The following STRN variants were observed in gnomAD, a reference collection of about 807,000 sequenced individuals.
STRN encodes striatin.
A neutral mutation model predicts 96.3 loss-of-function variants in STRN; 53 were observed. The observed-to-expected ratio is 0.55, with a 90% CI of 0.44 to 0.69. The LOEUF (loss-of-function observed/expected upper bound fraction) is 0.69. Ranked by LOEUF, STRN falls within the 30% of genes least tolerant of loss-of-function variation. The probability of loss-of-function intolerance (pLI) is 0.00; values close to 1 mark genes in which losing one functional copy is unlikely to be tolerated. For missense variants in STRN, 987 were observed against 963.9 expected (o/e 1.02, Z -0.32); for synonymous variants, 428 against 355.9 (o/e 1.20, Z -2.28).
chr2:36,885,900 A>G (rs1669215139), intron 8 of STRN, among the ~76,000 whole-genome samples: 1 of 152,134 alleles, frequency 6.6e-6, no homozygotes, highest in Admixed American at 6.5e-5. Context: ...CATATTGTCA[A>G]CGAGGGTAGA....
chr2:36,850,261 A>T (rs1427584296), intron 16 of STRN, among the ~76,000 whole-genome samples: 3 of 152,246 alleles, frequency 2.0e-5, no homozygotes, highest in Admixed American at 6.5e-5. Context: ...AAAATTTTAA[A>T]TATTAAATGA....
chr2:36,869,559 G>C lies in STRN; in HGVS notation c.1494C>G (p.Ala498=), dbSNP rs752424126. Residue 498 remains alanine (A), a synonymous_variant, in exon 11 of 18, where the codon GCC becomes GCG. Coordinates refer to ENST00000263918, the MANE Select transcript of STRN (RefSeq NM_003162.4). ...KMWNLQKTAP[A]KKSTSLDVEP... ...TTAAAGTAGAATATTCTCACTTTTT[G>C]GCTGGGGCTGTTTTCTGTAAATTCC... is the stretch of plus-strand genomic sequence containing the variant. 6.5e-7 allele frequency: 1 copy of C among 1,537,810 alleles called. No homozygotes were observed. The highest frequency in any genetic ancestry group is 8.8e-7 in the Non-Finnish European group (1 of 1,141,186).
At position 36,856,634 on chromosome 2, in the gene STRN, A is replaced by G. The variant is rs1572624980; in HGVS notation, c.1837+1222T>C. Among the ~76,000 whole-genome samples, 3 of 152,312 alleles carry G rather than the reference A, an allele frequency of 2.0e-5. 1 individual carries two copies. In the South Asian group the frequency reaches 6.2e-4, roughly 32 times the overall value. On this transcript the variant is annotated intron_variant, in intron 14 of 17. Coordinates refer to ENST00000263918, the MANE Select transcript of STRN (RefSeq NM_003162.4). Reference sequence around the variant, plus strand: ...TGGGTACCTCTGGCTGGGAATAAGGAAAGGAGGGGACTGACTTGGAAAGAC... The same window carrying G: ...TGGGTACCTCTGGCTGGGAATAAGGGAAGGAGGGGACTGACTTGGAAAGAC...
At chr2:36,912,255 C>T (rs539815442) in intron 3 of STRN, among the ~76,000 whole-genome samples, 15 of 152,292 alleles carry the variant, frequency 9.8e-5, no homozygotes, top group East Asian at 3.9e-4. Flanking sequence ...AGAGTGTGCG[C>T]GCGCGCACAC....
intron 10 of STRN, among the ~76,000 whole-genome samples, chr2:36,877,441 C>A (rs755794784): frequency 1.3e-5 from 2 of 152,182 alleles, no homozygotes; most frequent in Admixed American, 6.5e-5. Context: ...TTTTTCTTTA[C>A]GTATCTTTCA....
chr2:36,912,076 C>T (rs1380591017), intron 3 of STRN, among the ~76,000 whole-genome samples: 2 of 152,140 alleles, frequency 1.3e-5, no homozygotes, highest in African/African-American at 4.8e-5. Flanking sequence ...ACCTAACTTC[C>T]TACATTCTCT....
At chr2:36,916,303 C>G in intron 2 of STRN, 152 bp from the exon 3 acceptor site, 1 of 653,372 alleles carries the variant, frequency 1.5e-6, no homozygotes, top group Non-Finnish European at 2.6e-6. Flanking sequence ...AGTTATAATA[C>G]AAAAGTGCTT....
intron 1 of STRN, among the ~76,000 whole-genome samples, chr2:36,963,235 A>G (rs1665072176): frequency 6.6e-6 from 1 of 152,228 alleles, no homozygotes; most frequent in Non-Finnish European, 1.5e-5. Context: ...GAGAGCTTGG[A>G]TTGCCTTTCA....
chr2:36,961,674 G>T (rs2148282256), intron 1 of STRN, among the ~76,000 whole-genome samples: 1 of 152,132 alleles, frequency 6.6e-6, no homozygotes, highest in South Asian at 2.1e-4. Context: ...AGTCTGTTCT[G>T]AATCCTTACA....
intron 9 of STRN, among the ~76,000 whole-genome samples, chr2:36,879,004 T>A (rs1668996042): frequency 6.6e-6 from 1 of 151,870 alleles, no homozygotes; most frequent in Admixed American, 6.6e-5. Context: ...CCACCTGATT[T>A]GGCCTCCCAA....
At position 36,841,453 on chromosome 2, in the gene STRN, T is replaced by C. The variant is rs1168411229; in HGVS notation, c.*8003A>G. The C allele has an allele frequency of 2.0e-5, 3 of 152,218 alleles. No individual in the cohort carries two copies. The East Asian group carries it at 5.8e-4, about 29-fold the overall frequency. 9.4% of individuals were successfully genotyped at this position (152,218 alleles called of 1,614,324 possible). A position where few individuals can be genotyped will look rare whatever the true frequency, so the allele number is the denominator to read the frequency against. On this transcript the variant is annotated 3_prime_UTR_variant, in exon 18 of 18. Transcript: ENST00000263918. Reference sequence around the variant, plus strand: ...CAAAAGATATGAGACCACCGAGTTTTTCTTTTTCTAAAAATCACACTGAGT... The same window carrying C: ...CAAAAGATATGAGACCACCGAGTTTCTCTTTTTCTAAAAATCACACTGAGT...
intron 13 of STRN, among the ~76,000 whole-genome samples, chr2:36,860,164 A>G (rs1339385827): frequency 6.6e-6 from 1 of 152,194 alleles, no homozygotes; most frequent in East Asian, 1.9e-4. Flanking sequence ...CAAGAGAACA[A>G]GAGCAGAAGA....
intron 3 of STRN, among the ~76,000 whole-genome samples, chr2:36,909,495 T>C (rs13418962): frequency 0.57 from 86,301 of 151,924 alleles, 25,589 homozygotes; most frequent in African/African-American, 0.74. Flanking sequence ...CTGGACACCA[T>C]GCAACAAAGG....
chr2:36,910,382 G>A (rs1422107528), intron 3 of STRN, among the ~76,000 whole-genome samples: 12 of 151,860 alleles, frequency 7.9e-5, no homozygotes, highest in Non-Finnish European at 1.6e-4. Context: ...AAAGACTGCT[G>A]GAAAAAAATA....
chr2:36,918,128 T>C (rs556426418), intron 2 of STRN, among the ~76,000 whole-genome samples: 1 of 152,300 alleles, frequency 6.6e-6, no homozygotes, highest in South Asian at 2.1e-4. Flanking sequence ...ATTTAGAACA[T>C]CTATTTTCAA....
intron 10 of STRN, among the ~76,000 whole-genome samples, chr2:36,877,595 G>C (rs1311340565): frequency 6.6e-6 from 1 of 152,140 alleles, no homozygotes; most frequent in African/African-American, 2.4e-5. Context: ...GAGTGCAGTG[G>C]TGCGATGTTG....
At chr2:36,874,100 CAA>C (rs566418636) in intron 10 of STRN, among the ~76,000 whole-genome samples, 2 of 136,492 alleles carry the variant, frequency 1.5e-5, no homozygotes, top group Admixed American at 7.4e-5. Flanking sequence ...ACTAAAAATA[CAA>C]AAAAAAAAAA....
rs543841965 is a variant in STRN, at chr2:36,848,191, T to C, written c.*1265A>G. On this transcript the variant is annotated 3_prime_UTR_variant, in exon 18 of 18. Coordinates refer to ENST00000263918, the MANE Select transcript of STRN (RefSeq NM_003162.4). ...AGAAACAATACTGATCCACTGCCCATTAAAACATGTATATCTCAATTAAAC... is the reference window on the plus strand; with the variant it reads ...AGAAACAATACTGATCCACTGCCCACTAAAACATGTATATCTCAATTAAAC... 3 of 152,246 alleles carry C rather than the reference T, an allele frequency of 2.0e-5. No individual in the cohort carries two copies. The highest frequency in any genetic ancestry group is 4.8e-5 in the African/African-American group (2 of 41,556). The allele number at this position is 152,246 out of a possible 1,614,324, so 9.4% of individuals were successfully genotyped here.
intron 10 of STRN, among the ~76,000 whole-genome samples, chr2:36,876,041 G>T (rs1321743217): frequency 6.6e-6 from 1 of 152,160 alleles, no homozygotes; most frequent in Non-Finnish European, 1.5e-5. Flanking sequence ...GGCTGAGGCA[G>T]GTGAACTGCT....
Sources: gnomAD v4.1 joint callset for allele counts (sites outside exome capture counted in the v4.1 genomes callset) on GRCh38, gnomAD v4.1.1 for gene constraint, MANE v1.5 for transcripts, NCBI Gene and HGNC (gene_info 2026-07-23, HGNC 2026-07-21) for gene names.